KIF21A: variants seen among roughly 807,000 people sequenced by gnomAD.
KIF21A encodes kinesin family member 21A.
KIF21A carries 114 observed loss-of-function variants against 202.9 expected under a neutral mutation model. The ratio of observed to expected loss-of-function variants is 0.56; its 90% CI spans 0.48 to 0.66. The LOEUF is 0.66. KIF21A is among the 30% of genes least tolerant of loss of function. The probability of loss-of-function intolerance (pLI) is 0.00; values close to 1 mark genes in which losing one functional copy is unlikely to be tolerated. For missense variants in KIF21A, 1,677 were observed against 1,994.9 expected, an observed-to-expected ratio of 0.84 and a Z score of 3.04; for synonymous variants, 667 against 670.8, an observed-to-expected ratio of 0.99 and a Z score of 0.09.
rs1304325302 is a variant in KIF21A at position 39,442,993 on chromosome 12, G to A, written c.-23C>T. 4.0e-6 allele frequency: 6 copies of A among 1,517,610 alleles called. No individual in the cohort carries two copies. The highest frequency in any genetic ancestry group is 2.9e-5 in the African/African-American group (2 of 70,006). The allele number at this position is 1,517,610 out of a possible 1,614,324, so 94.0% of individuals were successfully genotyped here. Reference sequence around the variant, plus strand: ...CATGCTGGCGGCGGGCAGCGATCGAGCCGTTGGGCCTCGGCACCGCAGAGC... The same window carrying A: ...CATGCTGGCGGCGGGCAGCGATCGAACCGTTGGGCCTCGGCACCGCAGAGC... On this transcript the variant is annotated 5_prime_UTR_variant, in exon 1 of 38. Coordinates refer to ENST00000361418, the MANE Select transcript of KIF21A (RefSeq NM_001173464.2). This position sits in a 1 kb window ranked among gnomAD's most constrained non-coding sequence, Gnocchi z 5.0.
intron 1 of KIF21A, among the ~76,000 whole-genome samples, chr12:39,410,748 A>T (rs1334213103): frequency 1.3e-5 from 2 of 152,176 alleles, no homozygotes; most frequent in African/African-American, 4.8e-5. Flanking sequence ...CCACAGAGGA[A>T]TTAAACTAGA....
In KIF21A at chr12:39,358,311, G is replaced by C. The variant is rs779694955; in HGVS notation, c.1082C>G (p.Thr361Ser). The stretch of plus-strand genomic sequence containing the variant: ...TCTAGCTCGATTGGCGTATTTCAGG[G>C]TGTTTAACGTTTCCATAAAGTCTCT... ...SDRDFMETLN[T>S]LKYANRARNI... Residue 361 changes from threonine to serine, a missense_variant, in exon 8 of 38, where the codon ACC (threonine) becomes AGC (serine). Physicochemically the swap from Thr to Ser is moderately conservative, Grantham distance 58 (BLOSUM62 1). Transcript: ENST00000361418. 1.9e-6 allele frequency: 3 copies of C among 1,614,042 alleles called. No individual in the cohort carries two copies. Among genetic ancestry groups the C allele is most frequent in the Non-Finnish European group, 2.5e-6 (3 of 1,179,956 alleles).
chr12:39,382,822 T>C (rs1950700492), intron 1 of KIF21A, among the ~76,000 whole-genome samples: 1 of 152,222 alleles, frequency 6.6e-6, no homozygotes. Flanking sequence ...GGAGTGAACT[T>C]ACCTGTCAAT....
intron 1 of KIF21A, among the ~76,000 whole-genome samples, chr12:39,390,245 C>G (rs191223091): frequency 6.6e-6 from 1 of 152,312 alleles, no homozygotes; most frequent in African/African-American, 2.4e-5. Context: ...AATCCACACA[C>G]TGTAAAACCT....
chr12:39,405,144 G>A (rs1316325123), intron 1 of KIF21A, among the ~76,000 whole-genome samples: 1 of 152,146 alleles, frequency 6.6e-6, no homozygotes, highest in Non-Finnish European at 1.5e-5. Context: ...CTGAGGTCAG[G>A]AGTTCAAGAG....
At chr12:39,382,884 C>T (rs1950705067) in intron 1 of KIF21A, among the ~76,000 whole-genome samples, 1 of 152,196 alleles carries the variant, frequency 6.6e-6, no homozygotes, top group Middle Eastern at 3.4e-3. Context: ...CTTTTTTTTA[C>T]AGATTGTTTG....
intron 12 of KIF21A, among the ~76,000 whole-genome samples, chr12:39,346,172 A>T (rs901832519): frequency 1.3e-5 from 2 of 151,988 alleles, no homozygotes; most frequent in African/African-American, 4.8e-5. Context: ...TTTTAGGGTT[A>T]TTTTTATCCT....
chr12:39,331,782 C>A lies in KIF21A; in HGVS notation c.3061G>T (p.Glu1021Ter). The change falls in exon 22 of 38, where the codon GAG becomes TAG. Residue 1021 changes from glutamate (E) to a stop codon, truncating the protein, a stop_gained. Transcript: ENST00000361418. LOFTEE classifies it high-confidence loss of function. The stretch of plus-strand genomic sequence containing the variant: ...ATGACTGCAGTAACATCCAATGTCT[C>A]ACCTTCTTCCTGTATAAAATCAGCA... ...MQMEEAKEEGETLDVTAVINA... is the reference protein window; with the variant it reads ...MQMEEAKEEG 1 of 1,610,054 alleles carries A rather than the reference C, an allele frequency of 6.2e-7. No homozygotes were observed. Among genetic ancestry groups the A allele is most frequent in the South Asian group, 1.1e-5 (1 of 90,982 alleles).
chr12:39,423,316 C>T (rs554836092), intron 1 of KIF21A, among the ~76,000 whole-genome samples: 10 of 151,606 alleles, frequency 6.6e-5, no homozygotes, highest in African/African-American at 1.9e-4. Flanking sequence ...TTTTTTCCTC[C>T]AAAGATCCCA....
chr12:39,351,217 AG>A (rs1293479441), intron 11 of KIF21A, among the ~76,000 whole-genome samples: 3 of 152,108 alleles, frequency 2.0e-5, no homozygotes, highest in Admixed American at 6.6e-5. Context: ...AGTGGTGAAA[AG>A]CTGAGTAACT....
chr12:39,303,556 T>G (rs187435398), intron 35 of KIF21A, among the ~76,000 whole-genome samples: 4 of 152,340 alleles, frequency 2.6e-5, no homozygotes, highest in Admixed American at 1.3e-4. Flanking sequence ...AAGATAAACC[T>G]GTGCCCTTTT....
chr12:39,341,399 G>T, intron 14 of KIF21A, 106 bp downstream of exon 14: 1 of 1,105,592 alleles, frequency 9.0e-7, no homozygotes, highest in East Asian at 2.4e-5. Context: ...AGTGGTCACA[G>T]AAGTTTCTTT....
chr12:39,296,154 C>T (rs183282228), intron 37 of KIF21A, among the ~76,000 whole-genome samples: 305 of 149,970 alleles, frequency 2.0e-3, no homozygotes, highest in African/African-American at 7.3e-3. Context: ...CTGCAAGCTC[C>T]GCCTCCCGGG....
At chr12:39,371,504 T>G (rs1424918881) in intron 1 of KIF21A, among the ~76,000 whole-genome samples, 3 of 152,176 alleles carry the variant, frequency 2.0e-5, no homozygotes, top group Non-Finnish European at 2.9e-5. Context: ...TCTAGTCCTA[T>G]TCTATAGGCT....
At chr12:39,325,970 G>A (rs866532574) in intron 25 of KIF21A, 77 bp from the exon 26 acceptor site, 15 of 1,124,356 alleles carry the variant, frequency 1.3e-5, no homozygotes, top group Admixed American at 7.6e-5. Context: ...CTATATCAAC[G>A]ACTACAAAAA....
chr12:39,299,398 A>G (rs528161310), intron 37 of KIF21A, among the ~76,000 whole-genome samples: 8 of 152,338 alleles, frequency 5.3e-5, no homozygotes, highest in African/African-American at 1.9e-4. Flanking sequence ...TAAAACCACA[A>G]TGAAATACCA....
intron 8 of KIF21A, among the ~76,000 whole-genome samples, chr12:39,357,778 C>T (rs555712301): frequency 1.8e-4 from 27 of 151,072 alleles, no homozygotes; most frequent in African/African-American, 6.6e-4. Context: ...GGTGTGGTGG[C>T]GGGTGCCTAT....
At chr12:39,295,977 C>T (rs1350924245) in intron 37 of KIF21A, among the ~76,000 whole-genome samples, 2 of 132,344 alleles carry the variant, frequency 1.5e-5, no homozygotes, top group Non-Finnish European at 3.1e-5. Flanking sequence ...AGATAACAGG[C>T]GTGAGCCACT....
intron 17 of KIF21A, among the ~76,000 whole-genome samples, 199 bp downstream of exon 17, chr12:39,336,897 A>G (rs1947021931): frequency 6.6e-6 from 1 of 152,170 alleles, no homozygotes; most frequent in Non-Finnish European, 1.5e-5. Context: ...ATAATATTAC[A>G]GTGTTTTTTA....
Sources: allele counts gnomAD v4.1 joint callset (sites outside exome capture counted in the v4.1 genomes callset), GRCh38; gene constraint gnomAD v4.1.1; non-coding constraint Gnocchi (gnomAD v3.1); transcripts MANE v1.5; gene names NCBI Gene and HGNC (gene_info 2026-07-23, HGNC 2026-07-21).